Variants in SMIM38 observed in about 807,000 individuals in gnomAD.
The protein encoded by SMIM38 is small integral membrane protein 38.
Position 69,161,031 on chromosome 11 carries a change from C to G in SMIM38, c.*2935C>G, listed in dbSNP as rs1857049277. 6.6e-6 allele frequency: 1 copy of G among 152,240 alleles called. No homozygotes were observed. The highest frequency in any genetic ancestry group is 1.9e-4 in the East Asian group (1 of 5,198). 9.4% of individuals were successfully genotyped at this position (152,240 alleles called of 1,614,324 possible). A position where few individuals can be genotyped will look rare whatever the true frequency, so the allele number is the denominator to read the frequency against. On this transcript the variant is annotated 3_prime_UTR_variant, in exon 3 of 3. Transcript: ENST00000686237. ...TGTGAAGTTATCAGGGTCTCAGACC[C>G]TGACATATTTCTGCTCTGCTACCCT... is the stretch of plus-strand genomic sequence containing the variant.
intron 1 of SMIM38, among the ~76,000 whole-genome samples, chr11:69,156,913 G>A (rs1306813500): frequency 6.6e-6 from 1 of 152,236 alleles, no homozygotes; most frequent in African/African-American, 2.4e-5. Context: ...GACCCTGCAG[G>A]CCTGTGCGCC....
In SMIM38 at chr11:69,157,885, G is replaced by A. The variant is rs796816750; in HGVS notation, c.39G>A (p.Pro13=). The A allele has an allele frequency of 2.2e-4, 87 of 399,146 alleles. 1 individual carries two copies. The highest frequency in any genetic ancestry group is 1.6e-3 in the African/African-American group (79 of 48,756). The allele number at this position is 399,146 out of a possible 1,614,324, so 24.7% of individuals were successfully genotyped here. The change falls in exon 2 of 3, where the codon CCG becomes CCA. Residue 13 remains proline, a synonymous_variant. Coordinates refer to ENST00000686237, the MANE Select transcript of SMIM38 (RefSeq NM_001369201.2). The part of the protein sequence containing the change: ...SWPGGSFGPD[P]LLALLVVILL... ...CAGGTGGCAGCTTTGGCCCTGACCC[G>A]CTCCTGGCCCTGCTGGTGGTGATCC...
chr11:69,157,997 G>A lies in SMIM38; in HGVS notation c.151G>A (p.Asp51Asn). 2.5e-6 allele frequency: 1 copy of A among 398,960 alleles called. No individual in the cohort carries two copies. Among genetic ancestry groups the A allele is most frequent in the Non-Finnish European group, 4.4e-6 (1 of 226,372 alleles). The allele number at this position is 398,960 out of a possible 1,614,324, so 24.7% of individuals were successfully genotyped here. A position where few individuals can be genotyped will look rare whatever the true frequency, so the allele number is the denominator to read the frequency against. The change falls in exon 2 of 3, where the codon GAC becomes AAC. Residue 51 changes from aspartate (D) to asparagine (N), a missense_variant. By Grantham distance (23) the Asp-to-Asn change is conservative. Coordinates refer to ENST00000686237, the MANE Select transcript of SMIM38 (RefSeq NM_001369201.2). Reference sequence around the variant, plus strand: ...GCGGCGGCCCCAGAAACCCAAGCAGGACTAAGCCTCTGCAGGCTGCGGCCT... The same window carrying A: ...GCGGCGGCCCCAGAAACCCAAGCAGAACTAAGCCTCTGCAGGCTGCGGCCT... ...AQRRPQKPKQ[D>N]
Position 69,158,234 on chromosome 11 carries a change from C to A in SMIM38, c.*232C>A, listed in dbSNP as rs1857015594. 1 of 372,724 alleles carries A rather than the reference C, an allele frequency of 2.7e-6. No homozygotes were observed. The highest frequency in any genetic ancestry group is 3.9e-5 in the East Asian group (1 of 25,696). 23.1% of individuals were successfully genotyped at this position (372,724 alleles called of 1,614,324 possible). A position where few individuals can be genotyped will look rare whatever the true frequency, so the allele number is the denominator to read the frequency against. ...AGGGGCCGGCCTTGCAGGTCCATCA[C>A]CAGGTTCTGGGGTCCCCGGTTGCAG... On this transcript the variant is annotated 3_prime_UTR_variant, in exon 2 of 3. Coordinates refer to ENST00000686237, the MANE Select transcript of SMIM38 (RefSeq NM_001369201.2).
rs750269803 is a variant in SMIM38 at position 69,161,915 on chromosome 11, C to T, written c.*3819C>T. On this transcript the variant is annotated 3_prime_UTR_variant, in exon 3 of 3. Transcript: ENST00000686237. The stretch of plus-strand genomic sequence containing the variant: ...GAGCCCTAATCCAAAGGATGGGTGT[C>T]CTAATCAGAGGAGGAGATTAGGACC... 9 of 152,078 alleles carry T rather than the reference C, an allele frequency of 5.9e-5. No homozygotes were observed. Among genetic ancestry groups the T allele is most frequent in the Non-Finnish European group, 1.0e-4 (7 of 68,016 alleles). 9.4% of individuals were successfully genotyped at this position (152,078 alleles called of 1,614,324 possible). A position where few individuals can be genotyped will look rare whatever the true frequency, so the allele number is the denominator to read the frequency against.
rs1318103392 is a variant in SMIM38 at position 69,158,186 on chromosome 11, C to A, written c.*184C>A. ...ACTGACCAGGGCTGTCCCGTAGAGG[C>A]AGCTGGCCATGTGGGGAGATGGAGG... On this transcript the variant is annotated 3_prime_UTR_variant, in exon 2 of 3. Coordinates refer to ENST00000686237, the MANE Select transcript of SMIM38 (RefSeq NM_001369201.2). The A allele has an allele frequency of 2.5e-6, 1 of 392,980 alleles. No individual in the cohort carries two copies. Among genetic ancestry groups the A allele is most frequent in the African/African-American group, 2.1e-5 (1 of 48,652 alleles). The allele number at this position is 392,980 out of a possible 1,614,324, so 24.3% of individuals were successfully genotyped here.
Position 69,155,993 on chromosome 11 carries a change from G to T in SMIM38, c.-795G>T, listed in dbSNP as rs1417367790. On this transcript the variant is annotated 5_prime_UTR_variant, in exon 1 of 3. Coordinates refer to ENST00000686237, the MANE Select transcript of SMIM38 (RefSeq NM_001369201.2). ...TGACAGCAGTGCCAGGCAGCCCAGT[G>T]GGTGCAGGGCACACCACAGATGGAG... 6.6e-6 allele frequency: 1 copy of T among 152,300 alleles called. No individual in the cohort carries two copies. The highest frequency in any genetic ancestry group is 1.5e-5 in the Non-Finnish European group (1 of 68,098). 9.4% of individuals were successfully genotyped at this position (152,300 alleles called of 1,614,324 possible).
Position 69,157,541 on chromosome 11 carries a change from T to G in SMIM38, c.-306T>G. The stretch of plus-strand genomic sequence containing the variant: ...CATTGTCAGCACGGAGAGTGGTTAA[T>G]TCTGGATGAATGGTACACGGGCCTC... On this transcript the variant is annotated 5_prime_UTR_variant, in exon 2 of 3. Coordinates refer to ENST00000686237, the MANE Select transcript of SMIM38 (RefSeq NM_001369201.2). 1 of 279,796 alleles carries G rather than the reference T, an allele frequency of 3.6e-6. No homozygotes were observed. The highest frequency in any genetic ancestry group is 6.6e-6 in the Non-Finnish European group (1 of 150,632). 17.3% of individuals were successfully genotyped at this position (279,796 alleles called of 1,614,324 possible).
rs1425019826 is a variant in SMIM38 at position 69,155,983 on chromosome 11, G to C, written c.-805G>C. On this transcript the variant is annotated 5_prime_UTR_variant, in exon 1 of 3. Coordinates refer to ENST00000686237, the MANE Select transcript of SMIM38 (RefSeq NM_001369201.2). ...GAGTGGCCTTTGACAGCAGTGCCAG[G>C]CAGCCCAGTGGGTGCAGGGCACACC... The C allele has an allele frequency of 6.6e-6, 1 of 152,292 alleles. No homozygotes were observed. The highest frequency in any genetic ancestry group is 1.5e-5 in the Non-Finnish European group (1 of 68,094). 9.4% of individuals were successfully genotyped at this position (152,292 alleles called of 1,614,324 possible). A position where few individuals can be genotyped will look rare whatever the true frequency, so the allele number is the denominator to read the frequency against.
rs1257919103 is a variant in SMIM38 at position 69,161,313 on chromosome 11, GA to G, written c.*3218del. 2 of 152,268 alleles carry G rather than the reference GA, an allele frequency of 1.3e-5. No individual in the cohort carries two copies. The highest frequency in any genetic ancestry group is 2.9e-5 in the Non-Finnish European group (2 of 68,046). The allele number at this position is 152,268 out of a possible 1,614,324, so 9.4% of individuals were successfully genotyped here. A position where few individuals can be genotyped will look rare whatever the true frequency, so the allele number is the denominator to read the frequency against. On this transcript the variant is annotated 3_prime_UTR_variant, in exon 3 of 3. Coordinates refer to ENST00000686237, the MANE Select transcript of SMIM38 (RefSeq NM_001369201.2). ...ATGCCAAGTTTGTTATAAAGAAACA[GA>G]GGCAAAATGGCGATCAGGCAGGCAA...
chr11:69,156,615 C>T (rs1055934214), intron 1 of SMIM38, among the ~76,000 whole-genome samples: 8 of 150,796 alleles, frequency 5.3e-5, no homozygotes, highest in East Asian at 3.9e-4. Context: ...TGTGTGCGCG[C>T]GTGTGGCAGT....
chr11:69,157,211 T>C lies in SMIM38; in HGVS notation c.-636T>C, dbSNP rs3019749. On this transcript the variant is annotated 5_prime_UTR_variant, in exon 2 of 3. Transcript: ENST00000686237. The stretch of plus-strand genomic sequence containing the variant: ...TTCCCCGTGGTGGCCCCAGCCTCCC[T>C]GCCAAGCTTCCCGGCCCCCGCCCCA... The C allele has an allele frequency of 0.49, 74,981 of 152,816 alleles. 19,091 individuals are homozygous for C. Among genetic ancestry groups the C allele is most frequent in the African/African-American group, 0.62 (25,680 of 41,542 alleles). 9.5% of individuals were successfully genotyped at this position (152,816 alleles called of 1,614,324 possible). A position where few individuals can be genotyped will look rare whatever the true frequency, so the allele number is the denominator to read the frequency against.
chr11:69,162,388 A>G lies in SMIM38; in HGVS notation c.*4292A>G, dbSNP rs540489819. 18 of 152,348 alleles carry G rather than the reference A, an allele frequency of 1.2e-4. No individual in the cohort carries two copies. The highest frequency in any genetic ancestry group is 7.8e-4 in the Admixed American group (12 of 15,306). The allele number at this position is 152,348 out of a possible 1,614,324, so 9.4% of individuals were successfully genotyped here. A position where few individuals can be genotyped will look rare whatever the true frequency, so the allele number is the denominator to read the frequency against. ...AGTAATGGTTTTATATTGATTACGCATTGAAATAATACTATTTTGGACAGA... is the reference window on the plus strand; with the variant it reads ...AGTAATGGTTTTATATTGATTACGCGTTGAAATAATACTATTTTGGACAGA... On this transcript the variant is annotated 3_prime_UTR_variant, in exon 3 of 3. Transcript: ENST00000686237.
chr11:69,156,977 C>T (rs573027274), intron 1 of SMIM38, among the ~76,000 whole-genome samples, 197 bp from the exon 2 acceptor site: 4 of 152,276 alleles, frequency 2.6e-5, no homozygotes, highest in East Asian at 1.9e-4. Flanking sequence ...GTTGGAGGGG[C>T]GAGCTGGAGG....
At position 69,156,133 on chromosome 11, in the gene SMIM38, C is replaced by T. The variant is rs900825790; in HGVS notation, c.-674+19C>T. The T allele has an allele frequency of 6.6e-6, 1 of 152,304 alleles. No homozygotes were observed. Among genetic ancestry groups the T allele is most frequent in the South Asian group, 2.1e-4 (1 of 4,838 alleles). 9.4% of individuals were successfully genotyped at this position (152,304 alleles called of 1,614,324 possible). A position where few individuals can be genotyped will look rare whatever the true frequency, so the allele number is the denominator to read the frequency against. ...GCCCAAGGTGAGTTGGCATCATGCTCCACTTCCCGTTTGAACGTGTGGTCC... is the reference window on the plus strand; with the variant it reads ...GCCCAAGGTGAGTTGGCATCATGCTTCACTTCCCGTTTGAACGTGTGGTCC... On this transcript the variant is annotated intron_variant, in intron 1 of 2. Coordinates refer to ENST00000686237, the MANE Select transcript of SMIM38 (RefSeq NM_001369201.2).
chr11:69,160,992 T>C lies in SMIM38; in HGVS notation c.*2896T>C, dbSNP rs984481784. ...TCTGGCATTTGGCATTCCCAGGCTGTGGCGTGACAGCTTTGTGAAGTTATC... is the reference window on the plus strand; with the variant it reads ...TCTGGCATTTGGCATTCCCAGGCTGCGGCGTGACAGCTTTGTGAAGTTATC... On this transcript the variant is annotated 3_prime_UTR_variant, in exon 3 of 3. Transcript: ENST00000686237. 3.3e-5 allele frequency: 5 copies of C among 152,242 alleles called. No individual in the cohort carries two copies. Among genetic ancestry groups the C allele is most frequent in the Non-Finnish European group, 7.3e-5 (5 of 68,034 alleles). The allele number at this position is 152,242 out of a possible 1,614,324, so 9.4% of individuals were successfully genotyped here.
Position 69,158,162 on chromosome 11 carries a change from C to G in SMIM38, c.*160C>G, listed in dbSNP as rs1181021847. On this transcript the variant is annotated 3_prime_UTR_variant, in exon 2 of 3. Coordinates refer to ENST00000686237, the MANE Select transcript of SMIM38 (RefSeq NM_001369201.2). ...CTGAGATGGATCGTGCCTTCCCAGACTGACCAGGGCTGTCCCGTAGAGGCA... is the reference window on the plus strand; with the variant it reads ...CTGAGATGGATCGTGCCTTCCCAGAGTGACCAGGGCTGTCCCGTAGAGGCA... 5.1e-5 allele frequency: 20 copies of G among 395,218 alleles called. No individual in the cohort carries two copies. Among genetic ancestry groups the G allele is most frequent in the Non-Finnish European group, 8.5e-5 (19 of 224,516 alleles). 24.5% of individuals were successfully genotyped at this position (395,218 alleles called of 1,614,324 possible).
chr11:69,156,609 T>TGTGC lies in SMIM38; in HGVS notation c.-674+496_-674+497insTGCG, dbSNP rs749878276. On this transcript the variant is annotated intron_variant, in intron 1 of 2. Coordinates refer to ENST00000686237, the MANE Select transcript of SMIM38 (RefSeq NM_001369201.2). ...GTGTATGCGTGTGTGTGTGTGTGTG[T>TGTGC]GCGCGCGTGTGGCAGTCAGAGAAGG... Among the ~76,000 whole-genome samples the TGTGC allele has an allele frequency of 2.0e-3, 285 of 139,594 alleles. 2 individuals are homozygous for TGTGC. Among genetic ancestry groups the TGTGC allele is most frequent in the Middle Eastern group, 0.011 (3 of 270 alleles). The allele number at this position is 139,594 out of a possible 152,430, so 91.6% of individuals were successfully genotyped here.
Position 69,157,594 on chromosome 11 carries a change from C to T in SMIM38, c.-253C>T, listed in dbSNP as rs1283413725. ...GACCAAGGAGGCTGCTCGTCGTCCC[C>T]AGTCTGTCCTCTCACATGCCAGGGA... On this transcript the variant is annotated 5_prime_UTR_variant, in exon 2 of 3. Coordinates refer to ENST00000686237, the MANE Select transcript of SMIM38 (RefSeq NM_001369201.2). The T allele has an allele frequency of 5.3e-6, 2 of 377,384 alleles. No homozygotes were observed. Among genetic ancestry groups the T allele is most frequent in the African/African-American group, 2.1e-5 (1 of 48,220 alleles). The allele number at this position is 377,384 out of a possible 1,614,324, so 23.4% of individuals were successfully genotyped here.
Sources: allele counts gnomAD v4.1 joint callset (sites outside exome capture counted in the v4.1 genomes callset), GRCh38; gene constraint gnomAD v4.1.1; transcripts MANE v1.5; gene names NCBI Gene and HGNC (gene_info 2026-07-23, HGNC 2026-07-21).